The following ANK1 variants were observed in gnomAD, a reference collection of about 807,000 sequenced individuals.
ANK1 encodes ankyrin-1.
ANK1 carries 51 observed loss-of-function variants against 210.4 expected under a neutral mutation model. The ratio of observed to expected loss-of-function variants is 0.24; its 90% confidence interval spans 0.19 to 0.31. The LOEUF is 0.31. Among genes scored for constraint, ANK1 ranks in the 10% least tolerant of loss-of-function variants. The probability of loss-of-function intolerance (pLI) is 1.00; values close to 1 mark genes in which losing one functional copy is unlikely to be tolerated. For missense variants in ANK1, 2,051 were observed against 2,504.4 expected, an observed-to-expected ratio of 0.82 and a Z score of 3.86; for synonymous variants, 967 against 1,025.9, an observed-to-expected ratio of 0.94 and a Z score of 1.10.
chr8:41,889,789 T>C (rs1288328522), intron 1 of ANK1, among the ~76,000 whole-genome samples: 1 of 152,222 alleles, frequency 6.6e-6, no homozygotes, highest in East Asian at 1.9e-4. Flanking sequence ...GGAAGCCCTT[T>C]TATGTTCCCC....
intron 1 of ANK1, among the ~76,000 whole-genome samples, chr8:41,849,385 A>G (rs964859827): frequency 9.2e-5 from 14 of 152,324 alleles, no homozygotes; most frequent in East Asian, 5.8e-4. Flanking sequence ...TTAGCCGGGC[A>G]TGGTGGCAAG....
chr8:41,868,815 A>G (rs1814955389), intron 1 of ANK1, among the ~76,000 whole-genome samples: 1 of 152,234 alleles, frequency 6.6e-6, no homozygotes. Flanking sequence ...AGTTCCTGGA[A>G]CAAATTTTAT....
intron 1 of ANK1, among the ~76,000 whole-genome samples, chr8:41,822,091 AG>A (rs1563844568): frequency 0.022 from 1,249 of 56,556 alleles, 55 homozygotes; most frequent in African/African-American, 0.094. Flanking sequence ...AGAGAGAGAG[AG>A]AGAGAGAGAG....
intron 1 of ANK1, among the ~76,000 whole-genome samples, chr8:41,781,382 C>T (rs932052229): frequency 3.3e-5 from 5 of 152,222 alleles, no homozygotes; most frequent in South Asian, 2.1e-4. Context: ...CAGGCAATTC[C>T]GAGAGACGCC....
intron 1 of ANK1, among the ~76,000 whole-genome samples, chr8:41,802,995 G>GAGAGAAAGAA (rs1554630756): frequency 5.2e-5 from 3 of 57,492 alleles, no homozygotes; most frequent in Admixed American, 4.3e-4. Context: ...GAGAGAAAGA[G>GAGAGAAAGAA]AGAAAGAAAG....
rs533042145 is a variant in ANK1 at position 41,833,195 on chromosome 8, A to T, written c.126+63160T>A. Among the ~76,000 whole-genome samples, 3 of 152,114 alleles carry T rather than the reference A, an allele frequency of 2.0e-5. No individual in the cohort carries two copies. In the South Asian group the frequency reaches 6.2e-4, roughly 32 times the overall value. On this transcript the variant is annotated intron_variant, in intron 1 of 42. Transcript: ENST00000265709. ...CGGGCCTCCCTCCAGCACCCATCAGACCCTCTCAGAGGACACAGCGATCAC... is the reference window on the plus strand; with the variant it reads ...CGGGCCTCCCTCCAGCACCCATCAGTCCCTCTCAGAGGACACAGCGATCAC...
intron 1 of ANK1, among the ~76,000 whole-genome samples, chr8:41,781,415 T>C (rs1845295554): frequency 6.6e-6 from 1 of 152,186 alleles, no homozygotes; most frequent in African/African-American, 2.4e-5. Flanking sequence ...TTCACGAGAA[T>C]CTGTTCTCGC....
chr8:41,815,625 C>A (rs1203223790), intron 1 of ANK1, among the ~76,000 whole-genome samples: 1 of 152,144 alleles, frequency 6.6e-6, no homozygotes, highest in East Asian at 1.9e-4. Context: ...TAACAACTTA[C>A]TTTCCTTGTA....
At chr8:41,727,807 G>A (rs1280861297) in intron 4 of ANK1, 101 bp downstream of exon 4, 3 of 1,052,638 alleles carry the variant, frequency 2.8e-6, no homozygotes, top group Non-Finnish European at 4.4e-6. Flanking sequence ...CCACAGTAGT[G>A]TGTGTGTTAA....
intron 1 of ANK1, chr8:41,840,194 C>G (rs1296782090): frequency 6.6e-6 from 1 of 152,088 alleles, no homozygotes. Flanking sequence ...CTTTAGGCAA[C>G]GTGCTGGTCC....
At position 41,758,071 on chromosome 8, in the gene ANK1, G is replaced by T; in HGVS notation, c.94C>A (p.Leu32Met). The change falls in exon 2 of 43, where the codon CTG becomes ATG. Residue 32 changes from leucine (L) to methionine (M), a missense_variant. By Grantham distance (15) the Leu-to-Met change is conservative. Coordinates refer to ENST00000289734, the MANE Select transcript of ANK1 (RefSeq NM_000037.4). ...SGNLDKALDH[L>M]RNGVDINTCN... ...GTGTTAATATCTACCCCATTCCGCA[G>T]GTGATCCAAAGCTTTGTCCAAGTTA... 1 of 1,614,184 alleles carries T rather than the reference G, an allele frequency of 6.2e-7. No individual in the cohort carries two copies. The highest frequency in any genetic ancestry group is 8.5e-7 in the Non-Finnish European group (1 of 1,180,040).
intron 1 of ANK1, among the ~76,000 whole-genome samples, chr8:41,863,175 G>A (rs566399130): frequency 5.3e-5 from 8 of 152,086 alleles, no homozygotes; most frequent in South Asian, 2.1e-4. Context: ...TGGCTAACAC[G>A]GTGAAACCCC....
intron 13 of ANK1, among the ~76,000 whole-genome samples, chr8:41,716,705 T>C (rs1291040841): frequency 6.6e-6 from 1 of 152,228 alleles, no homozygotes; most frequent in Non-Finnish European, 1.5e-5. Flanking sequence ...GCCCAGGACA[T>C]ACTCAGGCCA....
In ANK1 at chr8:41,779,433, T is replaced by A. The variant is rs1054438230; in HGVS notation, c.27+18079A>T. On this transcript the variant is annotated intron_variant, in intron 1 of 42. Transcript: ENST00000289734. ...TAGCTAATGTTTTTCATTTTTTTTT[T>A]ATTGAAATGAGGATCTCACTATGTT... Among the ~76,000 whole-genome samples, 6 of 152,056 alleles carry A rather than the reference T, an allele frequency of 3.9e-5. No homozygotes were observed. The South Asian group carries it at 6.3e-4, about 16-fold the overall frequency.
chr8:41,744,786 C>T (rs562224743), intron 2 of ANK1, among the ~76,000 whole-genome samples: 3 of 152,156 alleles, frequency 2.0e-5, no homozygotes, highest in Non-Finnish European at 4.4e-5. Context: ...CTGCCCACCT[C>T]GGCCTCCCAA....
chr8:41,732,841 G>A (rs770242257), intron 3 of ANK1, among the ~76,000 whole-genome samples: 4 of 152,042 alleles, frequency 2.6e-5, no homozygotes, highest in African/African-American at 4.8e-5. Flanking sequence ...GGGTTCAAGC[G>A]ATTCCCCTGC....
intron 1 of ANK1, among the ~76,000 whole-genome samples, chr8:41,886,728 G>A (rs1208784822): frequency 6.6e-6 from 1 of 152,188 alleles, no homozygotes; most frequent in Non-Finnish European, 1.5e-5. Context: ...AGGAAAGACA[G>A]CAATAAGACA....
Position 41,672,639 on chromosome 8 carries a change from C to T in ANK1, c.4811G>A (p.Gly1604Glu). 6.2e-7 allele frequency: 1 copy of T among 1,614,216 alleles called. No homozygotes were observed. Among genetic ancestry groups the T allele is most frequent in the Non-Finnish European group, 8.5e-7 (1 of 1,180,042 alleles). ...DATGHEWKLE[G>E]ALSEEPRGPE... ...GCCCCGCGGTTCCTCTGAGAGTGCCCCCTCCAACTTCCACTCGTGACCTGT... is the reference window on the plus strand; with the variant it reads ...GCCCCGCGGTTCCTCTGAGAGTGCCTCCTCCAACTTCCACTCGTGACCTGT... The change falls in exon 38 of 43, where the codon GGG becomes GAG. Residue 1604 changes from glycine to glutamate, a missense_variant. Transcript: ENST00000289734.
At chr8:41,814,609 T>C (rs1041383445) in intron 1 of ANK1, among the ~76,000 whole-genome samples, 1 of 152,156 alleles carries the variant, frequency 6.6e-6, no homozygotes, top group Non-Finnish European at 1.5e-5. Context: ...AATAAATGGA[T>C]GACAAAGACT....
Sources: gnomAD v4.1 joint callset for allele counts (sites outside exome capture counted in the v4.1 genomes callset) on GRCh38, gnomAD v4.1.1 for gene constraint, MANE v1.5 for transcripts, NCBI Gene and HGNC (gene_info 2026-07-23, HGNC 2026-07-21) for gene names.